The following HS3ST4 variants were observed in gnomAD, a reference collection of about 807,000 sequenced individuals.
HS3ST4 encodes heparan sulfate-glucosamine 3-sulfotransferase 4, also known as heparan sulfate glucosamine 3-O-sulfotransferase 4.
A neutral mutation model predicts 29.2 loss-of-function variants in HS3ST4; 17 were observed. The ratio of observed to expected loss-of-function variants is 0.58; its 90% confidence interval spans 0.40 to 0.87. The LOEUF is 0.87. Ranked by LOEUF, HS3ST4 falls within the 40% of genes least tolerant of loss-of-function variation. The pLI is 0.00. For synonymous variants in HS3ST4, 314 were observed against 285.7 expected (o/e 1.10, Z -1.00); for missense variants, 627 against 634.5 (o/e 0.99, Z 0.13).
chr16:26,039,157 A>G (rs1426934960), intron 1 of HS3ST4, among the ~76,000 whole-genome samples: 1 of 152,190 alleles, frequency 6.6e-6, no homozygotes, highest in Non-Finnish European at 1.5e-5. Context: ...TTCTATAATA[A>G]TGCTCACCCT....
intron 1 of HS3ST4, among the ~76,000 whole-genome samples, chr16:25,753,404 G>T (rs542707518): frequency 4.7e-4 from 72 of 152,320 alleles, no homozygotes; most frequent in African/African-American, 1.7e-3. Flanking sequence ...TAACATTAGT[G>T]ATTGATGGCC....
At chr16:26,035,570 C>T (rs954785689) in intron 1 of HS3ST4, among the ~76,000 whole-genome samples, 1 of 152,170 alleles carries the variant, frequency 6.6e-6, no homozygotes, top group African/African-American at 2.4e-5. Context: ...CCCTCAGTCT[C>T]CCATATATAA....
At chr16:26,079,305 G>C (rs1177377473) in intron 1 of HS3ST4, among the ~76,000 whole-genome samples, 1 of 152,208 alleles carries the variant, frequency 6.6e-6, no homozygotes, top group African/African-American at 2.4e-5. Flanking sequence ...GCATGCAAAT[G>C]CACAAACTTA....
intron 1 of HS3ST4, among the ~76,000 whole-genome samples, chr16:25,811,609 T>A (rs1321495388): frequency 6.6e-6 from 1 of 151,820 alleles, no homozygotes; most frequent in Non-Finnish European, 1.5e-5. Context: ...AATTTTGTAT[T>A]TTTAGTAGAG....
chr16:26,028,705 ACTT>A (rs1174896608), intron 1 of HS3ST4, among the ~76,000 whole-genome samples: 5 of 152,128 alleles, frequency 3.3e-5, no homozygotes, highest in Admixed American at 3.3e-4. Context: ...CTCCATGTGC[ACTT>A]CTTCTCTAGG....
At chr16:26,086,987 G>A (rs1311772447) in intron 1 of HS3ST4, among the ~76,000 whole-genome samples, 2 of 152,188 alleles carry the variant, frequency 1.3e-5, no homozygotes, top group African/African-American at 4.8e-5. Context: ...ATCACTAAGT[G>A]AAAAATTTCT....
intron 1 of HS3ST4, among the ~76,000 whole-genome samples, chr16:25,736,261 TG>T (rs1240245136): frequency 1.3e-5 from 2 of 152,210 alleles, no homozygotes; most frequent in Non-Finnish European, 1.5e-5. Flanking sequence ...GACCACCCTT[TG>T]TCATCATGTC....
chr16:26,014,007 A>AAAATAAATAATAAAT, intron 1 of HS3ST4, among the ~76,000 whole-genome samples: 1 of 145,648 alleles, frequency 6.9e-6, no homozygotes, highest in East Asian at 2.0e-4. Context: ...ACTCTGTCTC[A>AAAATAAATAATAAAT]AAATAAATAA....
chr16:25,859,996 G>C (rs1390806690), intron 1 of HS3ST4, among the ~76,000 whole-genome samples: 2 of 152,162 alleles, frequency 1.3e-5, no homozygotes, highest in Non-Finnish European at 2.9e-5. Flanking sequence ...TAGGAGCACA[G>C]ACCCTATTGT....
In HS3ST4 at chr16:26,059,622, G is replaced by A. The variant is rs906587560; in HGVS notation, c.735-75990G>A. Reference sequence around the variant, plus strand: ...CTCCATCCTCCTCTGACCGTGTGAAGCAGGCAGAACACATAAACCCTCTTA... The same window carrying A: ...CTCCATCCTCCTCTGACCGTGTGAAACAGGCAGAACACATAAACCCTCTTA... On this transcript the variant is annotated intron_variant, in intron 1 of 1. Coordinates refer to ENST00000331351, the MANE Select transcript of HS3ST4 (RefSeq NM_006040.3). Among the ~76,000 whole-genome samples the A allele has an allele frequency of 5.9e-5, 9 of 152,150 alleles. 1 individual carries two copies. The highest frequency in any genetic ancestry group is 5.2e-4 in the Admixed American group (8 of 15,268).
intron 1 of HS3ST4, among the ~76,000 whole-genome samples, chr16:26,113,107 G>A (rs1024826939): frequency 6.6e-6 from 1 of 152,198 alleles, no homozygotes; most frequent in Non-Finnish European, 1.5e-5. Flanking sequence ...TAATGCAGCA[G>A]TGAAAATGGA....
chr16:25,899,285 G>A (rs763016326), intron 1 of HS3ST4, among the ~76,000 whole-genome samples: 7 of 152,188 alleles, frequency 4.6e-5, no homozygotes, highest in Non-Finnish European at 1.0e-4. Context: ...CCCCATATCA[G>A]TTGGTGCTGT....
intron 1 of HS3ST4, among the ~76,000 whole-genome samples, chr16:25,988,926 C>T (rs6497907): frequency 0.061 from 9,274 of 151,702 alleles, 343 homozygotes; most frequent in African/African-American, 0.11. Flanking sequence ...TTTTAAAAAG[C>T]GTTAGAAGAA....
intron 1 of HS3ST4, among the ~76,000 whole-genome samples, chr16:25,772,326 A>G (rs182765353): frequency 2.6e-5 from 4 of 152,350 alleles, no homozygotes; most frequent in Non-Finnish European, 5.9e-5. Flanking sequence ...TTGATAGCCC[A>G]TTTAGCTGAC....
At chr16:25,717,908 G>T (rs1372585052) in intron 1 of HS3ST4, among the ~76,000 whole-genome samples, 1 of 152,130 alleles carries the variant, frequency 6.6e-6, no homozygotes, top group African/African-American at 2.4e-5. Flanking sequence ...AACATTTCTG[G>T]TGGCTTAGAC....
intron 1 of HS3ST4, among the ~76,000 whole-genome samples, chr16:25,872,924 T>TA (rs1442514792): frequency 1.3e-5 from 2 of 152,162 alleles, no homozygotes; most frequent in Non-Finnish European, 1.5e-5. Context: ...TTGCCAGAAA[T>TA]ATCTCCTGTG....
In HS3ST4 at chr16:26,026,196, C is replaced by T. The variant is rs144354581; in HGVS notation, c.735-109416C>T. On this transcript the variant is annotated intron_variant, in intron 1 of 1. Coordinates refer to ENST00000331351, the MANE Select transcript of HS3ST4 (RefSeq NM_006040.3). ...TGCTGGGATTACAGGCGTGAGCCAC[C>T]GCACCCGGCCGGAAACAACATCGTT... Among the ~76,000 whole-genome samples the T allele has an allele frequency of 3.1e-3, 475 of 152,288 alleles. 5 individuals are homozygous for T. Among genetic ancestry groups the T allele is most frequent in the African/African-American group, 0.011 (463 of 41,560 alleles).
At chr16:25,876,606 G>A (rs1967835611) in intron 1 of HS3ST4, among the ~76,000 whole-genome samples, 1 of 152,030 alleles carries the variant, frequency 6.6e-6, no homozygotes, top group African/African-American at 2.4e-5. Flanking sequence ...CAAGAAAATG[G>A]AATATGTGGA....
At chr16:25,742,817 C>G (rs138670489) in intron 1 of HS3ST4, among the ~76,000 whole-genome samples, 1 of 152,198 alleles carries the variant, frequency 6.6e-6, no homozygotes, top group Non-Finnish European at 1.5e-5. Flanking sequence ...TCATAACTTC[C>G]GTTGTCACAT....
Sources: allele counts gnomAD v4.1 joint callset (sites outside exome capture counted in the v4.1 genomes callset), GRCh38; gene constraint gnomAD v4.1.1; transcripts MANE v1.5; gene names NCBI Gene and HGNC (gene_info 2026-07-23, HGNC 2026-07-21).